Variants in NTRK3 observed in about 807,000 individuals in gnomAD.
The protein encoded by NTRK3 is neurotrophic receptor tyrosine kinase 3, also known as NT-3 growth factor receptor.
A neutral mutation model predicts 91.7 loss-of-function variants in NTRK3; 24 were observed. The ratio of observed to expected loss-of-function variants is 0.26; its 90% CI spans 0.19 to 0.37. The LOEUF is 0.37. NTRK3 is among the 10% of genes least tolerant of loss of function. The pLI is 1.00. For synonymous variants in NTRK3, 483 were observed against 404.0 expected, an observed-to-expected ratio of 1.20 and a Z score of -2.34; for missense variants, 880 against 1,068.9, an observed-to-expected ratio of 0.82 and a Z score of 2.46.
At chr15:88,019,834 T>C (rs999033480) in intron 14 of NTRK3, among the ~76,000 whole-genome samples, 2 of 152,260 alleles carry the variant, frequency 1.3e-5, no homozygotes, top group Non-Finnish European at 2.9e-5. Context: ...AGTTATGTGA[T>C]GATCAACGTC....
chr15:88,119,799 G>A (rs112645407), intron 13 of NTRK3, among the ~76,000 whole-genome samples: 151 of 152,280 alleles, frequency 9.9e-4, no homozygotes, highest in African/African-American at 3.5e-3. Flanking sequence ...CTTGGTTCCC[G>A]ACCCCCTGCT....
chr15:88,217,628 CAT>C (rs2141521688), intron 3 of NTRK3, among the ~76,000 whole-genome samples: 1 of 152,248 alleles, frequency 6.6e-6, no homozygotes, highest in African/African-American at 2.4e-5. Flanking sequence ...TGTTTAATCG[CAT>C]AGAGTTTCAG....
At chr15:88,143,556 T>C (rs1395122648) in intron 6 of NTRK3, among the ~76,000 whole-genome samples, 4 of 152,266 alleles carry the variant, frequency 2.6e-5, no homozygotes, top group Admixed American at 2.6e-4. Flanking sequence ...TAAGGTTCTC[T>C]TTTAACACCA....
At chr15:87,936,702 A>G (rs2069316141) in intron 15 of NTRK3, among the ~76,000 whole-genome samples, 2 of 152,064 alleles carry the variant, frequency 1.3e-5, no homozygotes, top group Non-Finnish European at 2.9e-5. Flanking sequence ...ACACATGCAC[A>G]CCTATCAACC....
chr15:88,199,632 G>A (rs2048123923), intron 3 of NTRK3, among the ~76,000 whole-genome samples: 1 of 152,218 alleles, frequency 6.6e-6, no homozygotes, highest in Non-Finnish European at 1.5e-5. Context: ...CTCTTCTAGG[G>A]AGACTGGTGG....
intron 13 of NTRK3, chr15:88,099,055 G>A (rs2049916429): frequency 4.3e-6 from 1 of 231,322 alleles, no homozygotes; most frequent in Non-Finnish European, 8.6e-6. Context: ...TAACAGCCAA[G>A]GCCACCTGGA....
chr15:87,928,681 G>A (rs1438606602), intron 17 of NTRK3: 1 of 202,580 alleles, frequency 4.9e-6, no homozygotes, highest in Non-Finnish European at 1.0e-5. Flanking sequence ...CAATATATTA[G>A]CCATCTTTGT....
intron 13 of NTRK3, among the ~76,000 whole-genome samples, chr15:88,097,213 G>A (rs1042161521): frequency 4.6e-5 from 7 of 152,122 alleles, no homozygotes; most frequent in Admixed American, 1.3e-4. Flanking sequence ...AAAATTTAAC[G>A]TTACATCCTT....
chr15:87,885,592 C>T, intron 17 of NTRK3, 102 bp downstream of exon 18: 1 of 628,966 alleles, frequency 1.6e-6, no homozygotes, highest in Non-Finnish European at 2.6e-6. Flanking sequence ...AGAGGCAGAC[C>T]CATGTATAAA....
chr15:88,084,623 T>A (rs2150688915), intron 13 of NTRK3, among the ~76,000 whole-genome samples: 1 of 152,294 alleles, frequency 6.6e-6, no homozygotes, highest in South Asian at 2.1e-4. Context: ...TGACCACTGC[T>A]CCAGCCTCAC....
chr15:88,070,978 A>T (rs2047046034), intron 13 of NTRK3, among the ~76,000 whole-genome samples: 2 of 152,214 alleles, frequency 1.3e-5, no homozygotes, highest in Non-Finnish European at 2.9e-5. Flanking sequence ...GGAAATAAAT[A>T]AAAGATACAG....
exon 19 of NTRK3, chr15:87,865,075 A>G (rs1237604641): frequency 9.4e-6 from 2 of 213,614 alleles, no homozygotes; most frequent in African/African-American, 4.5e-5. Flanking sequence ...CAAAAGTTAA[A>G]GAGAAAAGAG....
intron 6 of NTRK3, among the ~76,000 whole-genome samples, chr15:88,140,501 A>G (rs2042285425): frequency 6.6e-6 from 1 of 152,054 alleles, no homozygotes; most frequent in African/African-American, 2.4e-5. Flanking sequence ...TGGTTTCAGA[A>G]CTCCATTCAC....
intron 13 of NTRK3, among the ~76,000 whole-genome samples, chr15:88,078,406 G>A (rs182077512): frequency 2.4e-4 from 36 of 152,228 alleles, no homozygotes; most frequent in East Asian, 1.4e-3. Context: ...CTGTAATCCC[G>A]GCACTTCGGG....
At chr15:87,886,711 C>CATATAT (rs1434248694) in intron 17 of NTRK3, among the ~76,000 whole-genome samples, 9 of 88,504 alleles carry the variant, frequency 1.0e-4, no homozygotes, top group African/African-American at 3.5e-4. Flanking sequence ...CATATATACA[C>CATATAT]ACACACACAT....
intron 13 of NTRK3, among the ~76,000 whole-genome samples, chr15:88,057,933 G>GCTGACACACCA (rs1210092094): frequency 3.9e-5 from 6 of 152,330 alleles, no homozygotes; most frequent in Admixed American, 6.5e-5. Flanking sequence ...CCAGTATGGG[G>GCTGACACACCA]CTGACACACC....
intron 14 of NTRK3, among the ~76,000 whole-genome samples, chr15:87,959,542 G>T (rs1197663732): frequency 6.6e-6 from 1 of 152,162 alleles, no homozygotes; most frequent in Non-Finnish European, 1.5e-5. Context: ...TCACAGCTCT[G>T]AGTTCATATC....
At chr15:88,033,376 T>C (rs1000628331) in intron 13 of NTRK3, among the ~76,000 whole-genome samples, 6 of 151,088 alleles carry the variant, frequency 4.0e-5, no homozygotes, top group Admixed American at 2.6e-4. Flanking sequence ...AGTGGCGCCA[T>C]CTTGGCTCAC....
intron 3 of NTRK3, among the ~76,000 whole-genome samples, chr15:88,214,249 G>T (rs2049525421): frequency 6.6e-6 from 1 of 152,128 alleles, no homozygotes; most frequent in Non-Finnish European, 1.5e-5. Context: ...CAAGGTGTCA[G>T]CAGGGCCATG....
Sources: gnomAD v4.1 joint callset for allele counts (sites outside exome capture counted in the v4.1 genomes callset) on GRCh38, gnomAD v4.1.1 for gene constraint, MANE v1.5 for transcripts, NCBI Gene and HGNC (gene_info 2026-07-23, HGNC 2026-07-21) for gene names.